Variants in NDUFV3 observed in about 807,000 individuals in gnomAD.
The protein encoded by NDUFV3 is NADH dehydrogenase [ubiquinone] flavoprotein 3, mitochondrial.
In NDUFV3, 44 loss-of-function variants were observed where a neutral mutation model predicts 37.5. That is an observed-to-expected ratio of 1.17 (90% CI 0.92 to 1.51). The LOEUF (loss-of-function observed/expected upper bound fraction) is 1.51, where lower values mean the gene tolerates loss of function less well. Ranked by LOEUF, NDUFV3 falls within the 40% of genes most tolerant of loss-of-function variation. The probability of loss-of-function intolerance (pLI) is 0.00; values close to 1 mark genes in which losing one functional copy is unlikely to be tolerated. For missense variants in NDUFV3, 580 were observed against 580.4 expected (o/e 1.00, Z 0.01); for synonymous variants, 235 against 239.3 (o/e 0.98, Z 0.17).
chr21:42,897,613 T>C (rs2146150037), intron 2 of NDUFV3, among the ~76,000 whole-genome samples: 1 of 152,346 alleles, frequency 6.6e-6, no homozygotes, highest in East Asian at 1.9e-4. Context: ...GACCTTGTTA[T>C]CCACCCGCCT....
At chr21:42,905,991 G>A (rs1418391543) in intron 3 of NDUFV3, among the ~76,000 whole-genome samples, 2 of 151,686 alleles carry the variant, frequency 1.3e-5, no homozygotes, top group African/African-American at 4.9e-5. Context: ...AGCCTCCTGA[G>A]TAGGTGCCAC....
chr21:42,897,630 C>T (rs1044097308), intron 2 of NDUFV3, among the ~76,000 whole-genome samples: 3 of 152,186 alleles, frequency 2.0e-5, no homozygotes, highest in African/African-American at 7.2e-5. Context: ...GCCTCGGCCT[C>T]CCAAAGTGTT....
rs1461095284 is a variant in NDUFV3, at chr21:42,911,088, C to T, written c.*2067C>T. On this transcript the variant is annotated 3_prime_UTR_variant, in exon 4 of 4. Coordinates refer to ENST00000354250, the MANE Select transcript of NDUFV3 (RefSeq NM_021075.4). ...TGAAACCCTGTGTCTACTAAAAATA[C>T]AAAAATTAGCCAACTGTGGTGGTGC... 1 of 152,184 alleles carries T rather than the reference C, an allele frequency of 6.6e-6. No homozygotes were observed. The highest frequency in any genetic ancestry group is 1.5e-5 in the Non-Finnish European group (1 of 68,084). The allele number at this position is 152,184 out of a possible 1,614,324, so 9.4% of individuals were successfully genotyped here.
rs936401393 is a variant in NDUFV3, at chr21:42,913,269, C to T, written c.*4248C>T. Reference sequence around the variant, plus strand: ...CTAGTGTAATTTTCACCCTTAGAGACCTGTCTGTAATAAACATTATTTGAA... The same window carrying T: ...CTAGTGTAATTTTCACCCTTAGAGATCTGTCTGTAATAAACATTATTTGAA... On this transcript the variant is annotated 3_prime_UTR_variant, in exon 4 of 4. Transcript: ENST00000354250. 5.3e-5 allele frequency: 8 copies of T among 152,004 alleles called. No homozygotes were observed. Among genetic ancestry groups the T allele is most frequent in the Non-Finnish European group, 1.0e-4 (7 of 68,024 alleles). The allele number at this position is 152,004 out of a possible 1,614,324, so 9.4% of individuals were successfully genotyped here.
chr21:42,906,701 G>A (rs2058743470), intron 3 of NDUFV3: 1 of 332,146 alleles, frequency 3.0e-6, no homozygotes. Context: ...TCTGTATGGG[G>A]CCGCGGTCTC....
intron 2 of NDUFV3, among the ~76,000 whole-genome samples, chr21:42,902,973 G>A (rs546386187): frequency 6.6e-6 from 1 of 152,216 alleles, no homozygotes; most frequent in African/African-American, 2.4e-5. Flanking sequence ...AAGGAAAAAA[G>A]TTTGTTCATG....
chr21:42,899,722 C>T (rs976863921), intron 2 of NDUFV3, among the ~76,000 whole-genome samples: 5 of 152,124 alleles, frequency 3.3e-5, no homozygotes, highest in African/African-American at 9.7e-5. Flanking sequence ...GGATTACAGG[C>T]GTGAGCCACT....
intron 1 of NDUFV3, among the ~76,000 whole-genome samples, chr21:42,894,343 T>TA (rs2058673030): frequency 2.0e-5 from 1 of 51,136 alleles, no homozygotes; most frequent in African/African-American, 2.1e-4. Flanking sequence ...ATTATATATA[T>TA]TATATATAAA....
chr21:42,906,216 T>TGGGTC (rs1156414576), intron 3 of NDUFV3, among the ~76,000 whole-genome samples: 1 of 152,148 alleles, frequency 6.6e-6, no homozygotes, highest in African/African-American at 2.4e-5. Context: ...GCGCTTTAGG[T>TGGGTC]GGGTCGTGGC....
intron 2 of NDUFV3, among the ~76,000 whole-genome samples, chr21:42,900,860 A>T (rs1266411760): frequency 6.6e-6 from 1 of 152,162 alleles, no homozygotes; most frequent in African/African-American, 2.4e-5. Flanking sequence ...TCCCTGAGGA[A>T]GGCTGCCGGC....
chr21:42,903,751 A>C lies in NDUFV3; in HGVS notation c.739A>C (p.Thr247Pro). 6.2e-7 allele frequency: 1 copy of C among 1,614,172 alleles called. No individual in the cohort carries two copies. Among genetic ancestry groups the C allele is most frequent in the Non-Finnish European group, 8.5e-7 (1 of 1,180,034 alleles). Reference protein sequence around the residue: ...SEGRENARPKTTMPRSQVDEE... With the variant: ...SEGRENARPKPTMPRSQVDEE... ...AGGCAGGGAAAATGCGAGACCAAAA[A>C]CCACAATGCCCAGATCTCAAGTAGA... is the stretch of plus-strand genomic sequence containing the variant. Residue 247 changes from threonine (T) to proline (P), a missense_variant, in exon 3 of 4, where the codon ACC becomes CCC. Physicochemically the swap from Thr to Pro is conservative, Grantham distance 38 (BLOSUM62 -1). Coordinates refer to ENST00000354250, the MANE Select transcript of NDUFV3 (RefSeq NM_021075.4).
chr21:42,908,904 C>T lies in NDUFV3; in HGVS notation c.1305C>T (p.Thr435=), dbSNP rs752573100. Residue 435 remains threonine, a synonymous_variant, in exon 4 of 4, where the codon ACC becomes ACT. Coordinates refer to ENST00000354250, the MANE Select transcript of NDUFV3 (RefSeq NM_021075.4). ...PVPAEPFDNT[T]YKNLQHHDYS... is the part of the protein sequence containing the mutation. ...CTGCTGAGCCGTTTGACAACACTAC[C>T]TACAAGAACCTGCAGCATCATGACT... 2 of 1,614,008 alleles carry T rather than the reference C, an allele frequency of 1.2e-6. No homozygotes were observed. Among genetic ancestry groups the T allele is most frequent in the Admixed American group, 3.3e-5 (2 of 59,988 alleles).
chr21:42,903,197 A>T lies in NDUFV3; in HGVS notation c.185A>T (p.Lys62Met), dbSNP rs1377104641. The T allele has an allele frequency of 6.2e-7, 1 of 1,614,204 alleles. No homozygotes were observed. Among genetic ancestry groups the T allele is most frequent in the South Asian group, 1.1e-5 (1 of 91,078 alleles). The change falls in exon 3 of 4, where the codon AAG becomes ATG. Residue 62 changes from lysine (K) to methionine (M), a missense_variant. Physicochemically the swap from Lys to Met is moderately conservative, Grantham distance 95 (BLOSUM62 -1). Transcript: ENST00000354250. ...CGTTTCCCAGATGTAGTGGAACCAA[A>T]GGAGAGGGGCAAGCTCCTAGCCACC... is the stretch of plus-strand genomic sequence containing the variant. ...QSPPKNVVEP[K>M]ERGKLLATQT...
intron 3 of NDUFV3, among the ~76,000 whole-genome samples, chr21:42,906,095 C>T (rs1464049630): frequency 2.0e-5 from 3 of 151,960 alleles, no homozygotes; most frequent in South Asian, 4.1e-4. Flanking sequence ...AACTCCTGAC[C>T]GCGGGTGATC....
At chr21:42,902,891 A>G (rs1473879231) in intron 2 of NDUFV3, among the ~76,000 whole-genome samples, 2 of 152,192 alleles carry the variant, frequency 1.3e-5, no homozygotes, top group African/African-American at 4.8e-5. Flanking sequence ...AATCATCTCT[A>G]GATTACTTAT....
At chr21:42,895,738 G>A (rs2058687598) in intron 1 of NDUFV3, among the ~76,000 whole-genome samples, 1 of 151,856 alleles carries the variant, frequency 6.6e-6, no homozygotes, top group Non-Finnish European at 1.5e-5. Context: ...AAAATGCACT[G>A]GAGAACGTCT....
intron 2 of NDUFV3, among the ~76,000 whole-genome samples, chr21:42,901,413 GC>G (rs2058717320): frequency 6.6e-6 from 1 of 150,738 alleles, no homozygotes; most frequent in Admixed American, 6.6e-5. Context: ...TTGCACTCTA[GC>G]CTGACCCAAA....
intron 2 of NDUFV3, among the ~76,000 whole-genome samples, chr21:42,900,329 CCT>C (rs2058713279): frequency 6.6e-6 from 1 of 152,030 alleles, no homozygotes; most frequent in African/African-American, 2.4e-5. Context: ...TGGTGAAACC[CCT>C]GTCTCTACTA....
At chr21:42,906,849 C>T in intron 3 of NDUFV3, 2 of 518,952 alleles carry the variant, frequency 3.9e-6, no homozygotes, top group South Asian at 2.8e-5. Flanking sequence ...GGTGTCCCTA[C>T]ACCACACCGA....
Sources: gnomAD v4.1 joint callset for allele counts (sites outside exome capture counted in the v4.1 genomes callset) on GRCh38, gnomAD v4.1.1 for gene constraint, MANE v1.5 for transcripts, NCBI Gene and HGNC (gene_info 2026-07-23, HGNC 2026-07-21) for gene names.